SNX27: variants seen among roughly 807,000 people sequenced by gnomAD.
The protein encoded by SNX27 is sorting nexin 27.
Under a neutral mutation model 71.6 loss-of-function variants are expected in SNX27, and 22 were observed. That is an observed-to-expected ratio of 0.31 (90% CI 0.22 to 0.44). The LOEUF (loss-of-function observed/expected upper bound fraction) is 0.44. Ranked by LOEUF, SNX27 falls within the 20% of genes least tolerant of loss-of-function variation. The pLI is 1.00. For missense variants in SNX27, 531 were observed against 698.6 expected (o/e 0.76, Z 2.70); for synonymous variants, 269 against 277.2 (o/e 0.97, Z 0.29).
At chr1:151,657,117 T>C (rs1319345230) in intron 2 of SNX27, among the ~76,000 whole-genome samples, 1 of 152,174 alleles carries the variant, frequency 6.6e-6, no homozygotes, top group Non-Finnish European at 1.5e-5. Context: ...AGCTTAGCTT[T>C]TATTTTGCTT....
intron 1 of SNX27, among the ~76,000 whole-genome samples, chr1:151,621,783 A>G (rs922928549): frequency 6.6e-6 from 1 of 152,198 alleles, no homozygotes; most frequent in Non-Finnish European, 1.5e-5. Flanking sequence ...GATTAAATGA[A>G]TATTTGGAGA....
At chr1:151,657,769 G>A (rs1228254546) in intron 2 of SNX27, among the ~76,000 whole-genome samples, 1 of 152,112 alleles carries the variant, frequency 6.6e-6, no homozygotes, top group Non-Finnish European at 1.5e-5. Flanking sequence ...GGTGGTTCAA[G>A]GTGGGTGGAT....
chr1:151,634,090 G>T (rs1486231617), intron 1 of SNX27, among the ~76,000 whole-genome samples: 1 of 151,874 alleles, frequency 6.6e-6, no homozygotes, highest in Non-Finnish European at 1.5e-5. Flanking sequence ...CTTATCAGCT[G>T]TATATAAGAA....
At chr1:151,617,552 G>A (rs1361382139) in intron 1 of SNX27, among the ~76,000 whole-genome samples, 1 of 152,188 alleles carries the variant, frequency 6.6e-6, no homozygotes, top group African/African-American at 2.4e-5. Context: ...CCAAAGTGCT[G>A]GGATTACAGG....
intron 7 of SNX27, among the ~76,000 whole-genome samples, chr1:151,670,166 T>G (rs944364004): frequency 6.6e-6 from 1 of 152,228 alleles, no homozygotes; most frequent in African/African-American, 2.4e-5. Flanking sequence ...TGTGCCTGGC[T>G]TATTTCACTT....
intron 1 of SNX27, among the ~76,000 whole-genome samples, chr1:151,623,089 C>T (rs1667748280): frequency 6.6e-6 from 1 of 151,812 alleles, no homozygotes; most frequent in Non-Finnish European, 1.5e-5. Context: ...TATCCTGCCT[C>T]AGCCTCCCAA....
chr1:151,622,084 G>A (rs1380173759), intron 1 of SNX27, among the ~76,000 whole-genome samples: 1 of 152,180 alleles, frequency 6.6e-6, no homozygotes, highest in Non-Finnish European at 1.5e-5. Context: ...CAATATGTTG[G>A]AATGGACTAC....
chr1:151,692,044 C>A (rs544980938), intron 8 of SNX27, among the ~76,000 whole-genome samples: 9 of 151,884 alleles, frequency 5.9e-5, no homozygotes, highest in Admixed American at 2.0e-4. Context: ...TATAGAAAAT[C>A]AAAAAATTAG....
intron 1 of SNX27, among the ~76,000 whole-genome samples, chr1:151,628,172 A>G (rs1178084533): frequency 2.0e-5 from 3 of 151,846 alleles, no homozygotes; most frequent in Non-Finnish European, 4.4e-5. Flanking sequence ...ATGCCCAGCT[A>G]ATTTTTGTAT....
chr1:151,688,207 T>G (rs1671276229), intron 8 of SNX27, among the ~76,000 whole-genome samples: 1 of 152,126 alleles, frequency 6.6e-6, no homozygotes, highest in African/African-American at 2.4e-5. Context: ...GGAGACAGGG[T>G]GGTCAGAGAG....
At chr1:151,659,241 G>A (rs1034811726) in intron 3 of SNX27, among the ~76,000 whole-genome samples, 3 of 151,080 alleles carry the variant, frequency 2.0e-5, no homozygotes, top group Non-Finnish European at 4.4e-5. Context: ...TGAATTTTTT[G>A]TTTTGTTTTG....
At chr1:151,651,397 C>T (rs1669358394) in intron 2 of SNX27, among the ~76,000 whole-genome samples, 1 of 151,730 alleles carries the variant, frequency 6.6e-6, no homozygotes, top group Non-Finnish European at 1.5e-5. Flanking sequence ...CCCCACCTCC[C>T]TCCCGGACGG....
chr1:151,693,108 A>G (rs988967287), intron 10 of SNX27, 69 bp downstream of exon 10: 105 of 1,571,462 alleles, frequency 6.7e-5, no homozygotes, highest in Non-Finnish European at 8.9e-5. Flanking sequence ...AGCTAAATGC[A>G]TAAATGGAGA....
intron 6 of SNX27, chr1:151,667,258 A>AAAAAAAAAT (rs1670231845): frequency 3.3e-5 from 5 of 151,754 alleles, no homozygotes; most frequent in Non-Finnish European, 5.7e-5. Context: ...AAAAAAAAAA[A>AAAAAAAAAT]AGGAAAGAAA....
intron 1 of SNX27, among the ~76,000 whole-genome samples, chr1:151,616,327 G>A (rs999943310): frequency 3.9e-5 from 6 of 152,172 alleles, no homozygotes; most frequent in African/African-American, 1.4e-4. Context: ...TTAGTGTGTG[G>A]TGGATATGGA....
chr1:151,657,220 C>T (rs1669737224), intron 2 of SNX27, among the ~76,000 whole-genome samples: 1 of 152,238 alleles, frequency 6.6e-6, no homozygotes, highest in Non-Finnish European at 1.5e-5. Context: ...ATTGTCCAGG[C>T]TGGAGTGTAG....
At chr1:151,665,205 G>A (rs1670139267) in intron 5 of SNX27, among the ~76,000 whole-genome samples, 1 of 152,120 alleles carries the variant, frequency 6.6e-6, no homozygotes, top group African/African-American at 2.4e-5. Context: ...GTTGTTGTTT[G>A]TATGTAATTG....
intron 5 of SNX27, among the ~76,000 whole-genome samples, chr1:151,664,180 AAAT>A (rs1471438279): frequency 3.3e-5 from 4 of 120,270 alleles, no homozygotes; most frequent in Non-Finnish European, 5.0e-5. Context: ...ATAATATACT[AAAT>A]AATATAATAA....
intron 1 of SNX27, among the ~76,000 whole-genome samples, chr1:151,636,666 TAAAA>T (rs11333472): frequency 5.1e-5 from 5 of 97,546 alleles, no homozygotes; most frequent in Non-Finnish European, 4.1e-5. Flanking sequence ...TCCACTTTTG[TAAAA>T]AAAAAAAAAA....
Sources: gnomAD v4.1 joint callset for allele counts (sites outside exome capture counted in the v4.1 genomes callset) on GRCh38, gnomAD v4.1.1 for gene constraint, MANE v1.5 for transcripts, NCBI Gene and HGNC (gene_info 2026-07-23, HGNC 2026-07-21) for gene names.